Variants in NCOA6 observed in about 807,000 individuals in gnomAD.
NCOA6 encodes nuclear receptor coactivator 6.
In NCOA6, 49 loss-of-function variants were observed where a neutral mutation model predicts 171.4. The observed-to-expected ratio is 0.29, with a 90% CI of 0.23 to 0.36. The LOEUF is 0.36. NCOA6 is among the 10% of genes least tolerant of loss of function. The pLI, the probability that NCOA6 is intolerant of heterozygous loss-of-function variation, is 1.00. For missense variants in NCOA6, 2,248 were observed against 2,554.5 expected, an observed-to-expected ratio of 0.88 and a Z score of 2.59; for synonymous variants, 910 against 927.5, an observed-to-expected ratio of 0.98 and a Z score of 0.34.
At position 34,742,277 on chromosome 20, in the gene NCOA6, T is replaced by C. The variant is rs777001027; in HGVS notation, c.3979A>G (p.Ser1327Gly). ...NSGATKRASP[S>G]NSRRSSPGSS... ...CCAGGACTAGACCTGCGACTGTTGC[T>C]TGGACTTGCCCGTTTTGTTGCTCCA... The change falls in exon 11 of 15, where the codon AGC becomes GGC. Residue 1327 changes from serine to glycine, a missense_variant. Physicochemically the swap from Ser to Gly is moderately conservative, Grantham distance 56. Transcript: ENST00000359003. The C allele has an allele frequency of 1.2e-6, 2 of 1,614,244 alleles. No individual in the cohort carries two copies. The highest frequency in any genetic ancestry group is 1.7e-6 in the Non-Finnish European group (2 of 1,180,048).
At position 34,732,662 on chromosome 20, in the gene NCOA6, C is replaced by T. The variant is rs1474617243; in HGVS notation, c.5963-67G>A. 12 of 1,394,940 alleles carry T rather than the reference C, an allele frequency of 8.6e-6. No individual in the cohort carries two copies. The East Asian group carries it at 2.3e-4, about 27-fold the overall frequency. The allele number at this position is 1,394,940 out of a possible 1,614,324, so 86.4% of individuals were successfully genotyped here. On this transcript the variant is annotated intron_variant, in intron 12 of 14. Transcript: ENST00000359003. ...GCCACAGAGAGAAGCTAGGAGTCTA[C>T]AAGAATTCTCTATGCCCTATTTAGG...
At chr20:34,726,138 A>T (rs578215957) in intron 14 of NCOA6, among the ~76,000 whole-genome samples, 21 of 152,336 alleles carry the variant, frequency 1.4e-4, no homozygotes, top group Admixed American at 2.6e-4. Context: ...AAGTTAATTT[A>T]AAAAGGAGAT....
intron 2 of NCOA6, among the ~76,000 whole-genome samples, chr20:34,784,648 G>A (rs2077613398): frequency 1.3e-5 from 2 of 152,088 alleles, no homozygotes; most frequent in Admixed American, 1.3e-4. Context: ...GGGTGTGGTG[G>A]TGCATGCCTA....
intron 1 of NCOA6, among the ~76,000 whole-genome samples, chr20:34,804,277 C>A (rs966567418): frequency 8.6e-5 from 13 of 151,842 alleles, no homozygotes; most frequent in Non-Finnish European, 1.6e-4. Context: ...GTGGAGGTTG[C>A]AGTAAGCCGA....
intron 3 of NCOA6, among the ~76,000 whole-genome samples, chr20:34,778,215 A>T (rs549750709): frequency 6.6e-6 from 1 of 152,112 alleles, no homozygotes; most frequent in Admixed American, 6.5e-5. Flanking sequence ...ATGGAATATT[A>T]TTAAGCCTTA....
In NCOA6 at chr20:34,740,933, C is replaced by T. The variant is rs1474275711; in HGVS notation, c.5323G>A (p.Val1775Met). The T allele has an allele frequency of 6.2e-7, 1 of 1,614,136 alleles. No homozygotes were observed. The highest frequency in any genetic ancestry group is 8.5e-7 in the Non-Finnish European group (1 of 1,180,028). Residue 1775 changes from valine (V) to methionine (M), a missense_variant, in exon 11 of 15, where the codon GTG (valine) becomes ATG (methionine). By Grantham distance (21) the Val-to-Met change is conservative. This residue lies in a region of NCOA6 where 884 missense variants were observed against 941.9 expected (regional missense o/e 0.94). Coordinates refer to ENST00000359003, the MANE Select transcript of NCOA6 (RefSeq NM_014071.5). ...GTGTTCTGATCTGCTGAGGTGTTCA[C>T]CTGAGGGCTAGCCTCATCTGGATTC... is the stretch of plus-strand genomic sequence containing the variant. The part of the protein sequence containing the change: ...ELNPDEASPQ[V>M]NTSADQNTLP...
At chr20:34,761,557 C>T (rs1276359384) in intron 5 of NCOA6, among the ~76,000 whole-genome samples, 1 of 151,830 alleles carries the variant, frequency 6.6e-6, no homozygotes, top group African/African-American at 2.4e-5. Flanking sequence ...TTGGTATTTA[C>T]TGAAACGTGC....
At chr20:34,746,496 G>A (rs1399123975) in intron 10 of NCOA6, among the ~76,000 whole-genome samples, 1 of 152,118 alleles carries the variant, frequency 6.6e-6, no homozygotes, top group East Asian at 1.9e-4. Context: ...GCTCATCTTG[G>A]CCTCCCAAAG....
At chr20:34,732,041 G>C in intron 13 of NCOA6, among the ~76,000 whole-genome samples, 1 of 152,160 alleles carries the variant, frequency 6.6e-6, no homozygotes, top group East Asian at 1.9e-4. Flanking sequence ...CATGACTTTT[G>C]GAAAATGGTA....
intron 1 of NCOA6, among the ~76,000 whole-genome samples, chr20:34,801,634 C>G (rs187996303): frequency 1.1e-3 from 167 of 152,174 alleles, no homozygotes; most frequent in South Asian, 2.9e-3. Context: ...CAAGATTAAC[C>G]ATGAAAAAAT....
In NCOA6 at chr20:34,767,359, G is replaced by A. The variant is rs577894880; in HGVS notation, c.514+1105C>T. Among the ~76,000 whole-genome samples, 264 of 152,052 alleles carry A rather than the reference G, an allele frequency of 1.7e-3. 2 individuals carry two copies. Among genetic ancestry groups the A allele is most frequent in the Non-Finnish European group, 2.4e-3 (162 of 67,956 alleles). The stretch of plus-strand genomic sequence containing the variant: ...TTGCCCAGGCTGGAGTGCAGGGTGC[G>A]ATCTCGGCTCACTGCAACCTCCACC... On this transcript the variant is annotated intron_variant, in intron 5 of 14. Coordinates refer to ENST00000359003, the MANE Select transcript of NCOA6 (RefSeq NM_014071.5).
Position 34,746,823 on chromosome 20 carries a change from A to C in NCOA6, c.2898T>G (p.Phe966Leu). 6.2e-7 allele frequency: 1 copy of C among 1,608,206 alleles called. No individual in the cohort carries two copies. Among genetic ancestry groups the C allele is most frequent in the Non-Finnish European group, 8.5e-7 (1 of 1,175,926 alleles). ...LDNSGPKLPE[F>L]SNRPPGYPSQ... is the part of the protein sequence containing the mutation. ...TTTTATCACCTGGTGGCCGGTTTGA[A>C]AATTCTGGCAGTTTAGGGCCTGAGT... is the stretch of plus-strand genomic sequence containing the variant. Residue 966 changes from phenylalanine to leucine, a missense_variant, in exon 10 of 15, where the codon TTT becomes TTG. Physicochemically the swap from Phe to Leu is conservative, Grantham distance 22. This residue lies in a region of NCOA6 where 352 missense variants were observed against 419.1 expected (regional missense o/e 0.84). Transcript: ENST00000359003.
chr20:34,753,157 C>T (rs1423395080), intron 8 of NCOA6, among the ~76,000 whole-genome samples: 2 of 150,526 alleles, frequency 1.3e-5, no homozygotes, highest in Non-Finnish European at 3.0e-5. Context: ...GTGATCCTCC[C>T]GCCTCAGCCT....
At position 34,757,908 on chromosome 20, in the gene NCOA6, TTGCTGTTGTTGC is replaced by T. The variant is rs2076693500; in HGVS notation, c.828_839del (p.Gln282_Gln285del). 6.2e-7 allele frequency: 1 copy of T among 1,613,644 alleles called. No homozygotes were observed. Among genetic ancestry groups the T allele is most frequent in the Admixed American group, 1.7e-5 (1 of 59,974 alleles). On this transcript the variant is annotated inframe_deletion, in exon 7 of 15. Transcript: ENST00000359003. ...TTGCCTGCAACTGTTGTTGCTGCTG[TTGCTGTTGTTGC>T]TGCTGCTGCTGCTGCTGCTGCTGTT...
intron 14 of NCOA6, among the ~76,000 whole-genome samples, chr20:34,724,601 T>G (rs1383766595): frequency 6.6e-6 from 1 of 152,210 alleles, no homozygotes; most frequent in Admixed American, 6.5e-5. Context: ...ATCTGGTCAC[T>G]GCCTCCTCAT....
At chr20:34,815,166 G>GA in intron 1 of NCOA6, among the ~76,000 whole-genome samples, 1 of 151,800 alleles carries the variant, frequency 6.6e-6, no homozygotes, top group Admixed American at 6.6e-5. Flanking sequence ...TTAAACCCAG[G>GA]AGGTTGAGAC....
Position 34,742,470 on chromosome 20 carries a change from A to T in NCOA6, c.3786T>A (p.Pro1262=). 6.2e-7 allele frequency: 1 copy of T among 1,614,196 alleles called. No individual in the cohort carries two copies. The highest frequency in any genetic ancestry group is 8.5e-7 in the Non-Finnish European group (1 of 1,180,020). The part of the protein sequence containing the change: ...FPPQINIPLP[P]RPNLNRGFDQ... ...CAAAGCCCCTGTTTAAATTTGGCCT[A>T]GGAGGTAAAGGAATATTAATCTGTG... The change falls in exon 11 of 15, where the codon CCT becomes CCA. Residue 1262 remains proline, a synonymous_variant. Transcript: ENST00000359003.
intron 2 of NCOA6, among the ~76,000 whole-genome samples, chr20:34,785,443 A>G (rs764987007): frequency 1.4e-5 from 2 of 138,976 alleles, no homozygotes; most frequent in Non-Finnish European, 3.2e-5. Flanking sequence ...TTTAAAAATT[A>G]AAAAAAAAAA....
chr20:34,791,519 T>C (rs750445815), intron 2 of NCOA6, among the ~76,000 whole-genome samples: 6 of 152,176 alleles, frequency 3.9e-5, no homozygotes, highest in Non-Finnish European at 8.8e-5. Context: ...CGTACCTCAA[T>C]GCACTGCTCA....
Sources: allele counts gnomAD v4.1 joint callset (sites outside exome capture counted in the v4.1 genomes callset), GRCh38; gene constraint gnomAD v4.1.1; regional missense constraint gnomAD v4.1.1; transcripts MANE v1.5; gene names NCBI Gene and HGNC (gene_info 2026-07-23, HGNC 2026-07-21).